Variants in GPER1 observed in about 807,000 individuals in gnomAD.
The protein encoded by GPER1 is G protein-coupled receptor 30.
In GPER1, 2 loss-of-function variants were observed where a neutral mutation model predicts 0.6. The ratio of observed to expected loss-of-function variants is 3.41; its 90% CI spans 1.39 to 10.72. The LOEUF is 10.72. Among genes scored for constraint, GPER1 ranks in the 30% most tolerant of loss-of-function variants. GPER1 has a pLI of 0.04. For missense variants in GPER1, 441 were observed against 535.2 expected, an observed-to-expected ratio of 0.82 and a Z score of 1.74; for synonymous variants, 263 against 247.6, an observed-to-expected ratio of 1.06 and a Z score of -0.58.
At chr7:1,090,335 G>A (rs1787829642) in intron 1 of GPER1, among the ~76,000 whole-genome samples, 1 of 152,192 alleles carries the variant, frequency 6.6e-6, no homozygotes, top group Non-Finnish European at 1.5e-5. Flanking sequence ...TGAGACCCCC[G>A]TGGCCCGCTG....
chr7:1,091,863 G>A lies in GPER1; in HGVS notation c.135G>A (p.Gly45=), dbSNP rs1481211777. 6.2e-7 allele frequency: 1 copy of A among 1,613,448 alleles called. No individual in the cohort carries two copies. The highest frequency in any genetic ancestry group is 1.1e-5 in the South Asian group (1 of 91,086). ...TCCTGGGCACCGCCCTGGCCAATGG[G>A]ACAGGTGAGCTCTCGGAGCACCAGC... is the stretch of plus-strand genomic sequence containing the variant. ...HPLLGTALAN[G]TGELSEHQQY... is the part of the protein sequence containing the mutation. The change falls in exon 2 of 2, where the codon GGG becomes GGA. Residue 45 remains glycine, a synonymous_variant. Coordinates refer to ENST00000397088, the MANE Select transcript of GPER1 (RefSeq NM_001098201.3).
chr7:1,090,558 G>A (rs934828005), intron 1 of GPER1, among the ~76,000 whole-genome samples: 1 of 151,300 alleles, frequency 6.6e-6, no homozygotes, highest in African/African-American at 2.4e-5. Flanking sequence ...TGGCGGCAGA[G>A]CCGGGGTGAC....
rs1788243119 is a variant in GPER1 at position 1,093,469 on chromosome 7, C to T, written c.*613C>T. 1 of 468,892 alleles carries T rather than the reference C, an allele frequency of 2.1e-6. No homozygotes were observed. The highest frequency in any genetic ancestry group is 2.0e-5 in the African/African-American group (1 of 50,086). 29.0% of individuals were successfully genotyped at this position (468,892 alleles called of 1,614,324 possible). A position where few individuals can be genotyped will look rare whatever the true frequency, so the allele number is the denominator to read the frequency against. On this transcript the variant is annotated 3_prime_UTR_variant, in exon 2 of 2. Coordinates refer to ENST00000397088, the MANE Select transcript of GPER1 (RefSeq NM_001098201.3). ...GGATGGCAGCAATGGCGCTGTGCGG[C>T]CTCACCAGGCCCACGAGGAGCAGCA...
In GPER1 at chr7:1,092,894, C is replaced by A; in HGVS notation, c.*38C>A. 1 of 1,579,384 alleles carries A rather than the reference C, an allele frequency of 6.3e-7. No homozygotes were observed. The highest frequency in any genetic ancestry group is 8.7e-7 in the Non-Finnish European group (1 of 1,153,424). On this transcript the variant is annotated 3_prime_UTR_variant, in exon 2 of 2. Transcript: ENST00000397088. Reference sequence around the variant, plus strand: ...GCATAGGCCCAGCCAGGGTGTGACTCGGGAGCTGCACACACCTGGGTGGAC... The same window carrying A: ...GCATAGGCCCAGCCAGGGTGTGACTAGGGAGCTGCACACACCTGGGTGGAC...
In GPER1 at chr7:1,092,738, T is replaced by C; in HGVS notation, c.1010T>C (p.Leu337Pro). 6.2e-7 allele frequency: 1 copy of C among 1,613,640 alleles called. No individual in the cohort carries two copies. Among genetic ancestry groups the C allele is most frequent in the Non-Finnish European group, 8.5e-7 (1 of 1,180,008 alleles). ...GAGACCTTCAGGGACAAGCTGAGGCTGTACATTGAGCAGAAAACAAATTTG... is the reference window on the plus strand; with the variant it reads ...GAGACCTTCAGGGACAAGCTGAGGCCGTACATTGAGCAGAAAACAAATTTG... ...LGETFRDKLR[L>P]YIEQKTNLPA... The change falls in exon 2 of 2, where the codon CTG becomes CCG. Residue 337 changes from leucine to proline, a missense_variant. Physicochemically the swap from Leu to Pro is moderately conservative, Grantham distance 98. Transcript: ENST00000397088.
At position 1,092,209 on chromosome 7, in the gene GPER1, A is replaced by G; in HGVS notation, c.481A>G (p.Arg161Gly). Residue 161 changes from arginine (R) to glycine (G), a missense_variant, in exon 2 of 2, where the codon AGG becomes GGG. Physicochemically the swap from Arg to Gly is moderately radical, Grantham distance 125 (BLOSUM62 -2). Transcript: ENST00000397088. ...CTTCGACCGCTACATCGCCCTGGCC[A>G]GGGCCATGCGCTGCAGCCTGTTCCG... ...MSFDRYIALA[R>G]AMRCSLFRTK... is the part of the protein sequence containing the mutation. The G allele has an allele frequency of 6.2e-7, 1 of 1,613,062 alleles. No individual in the cohort carries two copies. Among genetic ancestry groups the G allele is most frequent in the Non-Finnish European group, 8.5e-7 (1 of 1,180,014 alleles).
chr7:1,087,884 T>TA (rs1464196051), upstream of GPER1, among the ~76,000 whole-genome samples: 47 of 152,202 alleles, frequency 3.1e-4, no homozygotes, highest in African/African-American at 1.1e-3. Flanking sequence ...CCTTCAAACT[T>TA]AAAGAAAGGT....
Position 1,093,535 on chromosome 7 carries a change from G to A in GPER1, c.*679G>A, listed in dbSNP as rs3808354. ...CAGCAGGAAGGCCCCTCTGTGGAGC[G>A]CCCGCCGTCTGCTCCGGGGTGGTTC... On this transcript the variant is annotated 3_prime_UTR_variant, in exon 2 of 2. Coordinates refer to ENST00000397088, the MANE Select transcript of GPER1 (RefSeq NM_001098201.3). 4 of 470,670 alleles carry A rather than the reference G, an allele frequency of 8.5e-6. No individual in the cohort carries two copies. The highest frequency in any genetic ancestry group is 3.1e-5 in the South Asian group (2 of 64,572). 29.2% of individuals were successfully genotyped at this position (470,670 alleles called of 1,614,324 possible). A position where few individuals can be genotyped will look rare whatever the true frequency, so the allele number is the denominator to read the frequency against.
upstream of GPER1, among the ~76,000 whole-genome samples, chr7:1,087,459 A>G (rs146545520): frequency 8.1e-3 from 1,237 of 152,340 alleles, 14 homozygotes; most frequent in African/African-American, 0.029. Context: ...CCTTATACAC[A>G]CTGCCTGAAG....
In GPER1 at chr7:1,093,771, G is replaced by A. The variant is rs1788287577; in HGVS notation, c.*915G>A. 1 of 438,976 alleles carries A rather than the reference G, an allele frequency of 2.3e-6. No homozygotes were observed. The highest frequency in any genetic ancestry group is 4.8e-6 in the Non-Finnish European group (1 of 208,028). 27.2% of individuals were successfully genotyped at this position (438,976 alleles called of 1,614,324 possible). ...AATGTAAGAAAAGCTGATGAGGCTG[G>A]TGACGTTCAGCCTTTGTCAATAAAC... is the stretch of plus-strand genomic sequence containing the variant. On this transcript the variant is annotated 3_prime_UTR_variant, in exon 2 of 2. Transcript: ENST00000397088.
rs74331861 is a variant in GPER1 at position 1,092,514 on chromosome 7, C to G, written c.786C>G (p.Leu262=). ...GGCAGAAGGCGCTCCGCATGATCCT[C>G]GCGGTGGTGCTGGTCTTCTTCGTCT... ...PRRQKALRMI[L]AVVLVFFVCW... The change falls in exon 2 of 2, where the codon CTC becomes CTG. Residue 262 remains leucine, a synonymous_variant. Coordinates refer to ENST00000397088, the MANE Select transcript of GPER1 (RefSeq NM_001098201.3). The G allele has an allele frequency of 2.5e-4, 396 of 1,608,046 alleles. 2 individuals are homozygous for G. In the African/African-American group the frequency reaches 4.8e-3, roughly 20 times the overall value.
chr7:1,089,853 C>A (rs1346365387), intron 1 of GPER1, among the ~76,000 whole-genome samples: 5 of 151,872 alleles, frequency 3.3e-5, no homozygotes, highest in African/African-American at 1.2e-4. Context: ...GAGGCCAAGG[C>A]GGGCAGATCA....
chr7:1,090,704 G>A (rs1328378801), intron 1 of GPER1, among the ~76,000 whole-genome samples: 1 of 152,262 alleles, frequency 6.6e-6, no homozygotes, highest in East Asian at 1.9e-4. Flanking sequence ...CTCTGCAGAG[G>A]ATAAGCTCGG....
rs774144814 is a variant in GPER1 at position 1,092,814 on chromosome 7, C to A, written c.1086C>A (p.Asp362Glu). ...CTGCCCTGAAGGCCGTCATTCCAGA[C>A]AGCACCGAGCAGTCGGATGTGAGGT... ...CHAALKAVIP[D>E]STEQSDVRFS... is the part of the protein sequence containing the mutation. Residue 362 changes from aspartate (D) to glutamate (E), a missense_variant, in exon 2 of 2, where the codon GAC becomes GAA. Physicochemically the swap from Asp to Glu is conservative, Grantham distance 45 (BLOSUM62 2). Transcript: ENST00000397088. 1 of 1,613,394 alleles carries A rather than the reference C, an allele frequency of 6.2e-7. No individual in the cohort carries two copies. The highest frequency in any genetic ancestry group is 1.1e-5 in the South Asian group (1 of 91,076).
chr7:1,088,438 C>G lies in GPER1; in HGVS notation c.-323+117C>G, dbSNP rs966368887. 5.9e-5 allele frequency: 9 copies of G among 152,002 alleles called. No homozygotes were observed. Among genetic ancestry groups the G allele is most frequent in the African/African-American group, 2.2e-4 (9 of 41,158 alleles). The allele number at this position is 152,002 out of a possible 1,614,324, so 9.4% of individuals were successfully genotyped here. ...AGCTGAACACAGACCAGACACCTCACCCCCTGGTGAGAGCAGCACCCAGCT... is the reference window on the plus strand; with the variant it reads ...AGCTGAACACAGACCAGACACCTCAGCCCCTGGTGAGAGCAGCACCCAGCT... On this transcript the variant is annotated intron_variant, in intron 1 of 1. Transcript: ENST00000397088. The surrounding 1 kb of genome is among the most constrained non-coding windows in gnomAD (Gnocchi z 4.5).
rs3808354 is a variant in GPER1, at chr7:1,093,535, G to T, written c.*679G>T. On this transcript the variant is annotated 3_prime_UTR_variant, in exon 2 of 2. Coordinates refer to ENST00000397088, the MANE Select transcript of GPER1 (RefSeq NM_001098201.3). The stretch of plus-strand genomic sequence containing the variant: ...CAGCAGGAAGGCCCCTCTGTGGAGC[G>T]CCCGCCGTCTGCTCCGGGGTGGTTC... 0.17 allele frequency: 80,444 copies of T among 470,740 alleles called. 8,508 individuals are homozygous for T. The highest frequency in any genetic ancestry group is 0.39 in the African/African-American group (19,342 of 50,106). 29.2% of individuals were successfully genotyped at this position (470,740 alleles called of 1,614,324 possible). A position where few individuals can be genotyped will look rare whatever the true frequency, so the allele number is the denominator to read the frequency against.
In GPER1 at chr7:1,092,315, T is replaced by C; in HGVS notation, c.587T>C (p.Val196Ala). The change falls in exon 2 of 2, where the codon GTG becomes GCG. Residue 196 changes from valine (V) to alanine (A), a missense_variant. By Grantham distance (64) the Val-to-Ala change is moderately conservative. Transcript: ENST00000397088. The part of the protein sequence containing the change: ...VSATLVPFTA[V>A]HLQHTDEACF... ...GCCACGCTGGTGCCCTTCACCGCCG[T>C]GCACCTGCAGCACACCGACGAGGCC... 1.2e-6 allele frequency: 2 copies of C among 1,611,952 alleles called. No individual in the cohort carries two copies. The highest frequency in any genetic ancestry group is 1.1e-5 in the South Asian group (1 of 91,008).
rs747835584 is a variant in GPER1, at chr7:1,092,480, G to T, written c.752G>T (p.Arg251Leu). 1 of 1,607,586 alleles carries T rather than the reference G, an allele frequency of 6.2e-7. No homozygotes were observed. The highest frequency in any genetic ancestry group is 1.7e-5 in the Admixed American group (1 of 59,980). ...AGGGCGCACCGGCACCGTGGGCTGC[G>T]GCCCCGGCGGCAGAAGGCGCTCCGC... ...LVRAHRHRGL[R>L]PRRQKALRMI... Residue 251 changes from arginine (R) to leucine (L), a missense_variant, in exon 2 of 2, where the codon CGG (arginine) becomes CTG (leucine). Transcript: ENST00000397088.
chr7:1,091,187 C>T (rs891433000), intron 1 of GPER1, among the ~76,000 whole-genome samples: 8 of 152,340 alleles, frequency 5.3e-5, no homozygotes, highest in Admixed American at 3.3e-4. Context: ...GCTGAGCAGC[C>T]GTGGGACCTG....
Sources: gnomAD v4.1 joint callset for allele counts (sites outside exome capture counted in the v4.1 genomes callset) on GRCh38, gnomAD v4.1.1 for gene constraint, Gnocchi (gnomAD v3.1) non-coding constraint, MANE v1.5 for transcripts, NCBI Gene and HGNC (gene_info 2026-07-23, HGNC 2026-07-21) for gene names.